The following EVI5 variants were observed in gnomAD, a reference collection of about 807,000 sequenced individuals.
EVI5 encodes ecotropic viral integration site 5 protein homolog.
In EVI5, 73 loss-of-function variants were observed where a neutral mutation model predicts 112.0. That is an observed-to-expected ratio of 0.65 (90% CI 0.54 to 0.79). The LOEUF (loss-of-function observed/expected upper bound fraction) is 0.79, where lower values mean the gene tolerates loss of function less well. Among genes scored for constraint, EVI5 ranks in the 30% least tolerant of loss-of-function variants. The pLI is 0.00. For missense variants in EVI5, 900 were observed against 968.8 expected (o/e 0.93, Z 0.94); for synonymous variants, 305 against 319.9 (o/e 0.95, Z 0.50).
At chr1:92,742,819 G>A (rs146076105) in intron 1 of EVI5, among the ~76,000 whole-genome samples, 4,338 of 152,312 alleles carry the variant, frequency 0.028, 95 homozygotes, top group South Asian at 0.064. Flanking sequence ...TGGCACAGCT[G>A]CTGTCGAAAA....
chr1:92,716,096 T>C (rs114328758), intron 2 of EVI5, among the ~76,000 whole-genome samples: 1,955 of 152,300 alleles, frequency 0.013, 46 homozygotes, highest in African/African-American at 0.044. Context: ...CTGACAGCTC[T>C]GAAGAGAGCA....
At chr1:92,762,592 G>A (rs186947936) in intron 1 of EVI5, among the ~76,000 whole-genome samples, 12 of 152,254 alleles carry the variant, frequency 7.9e-5, no homozygotes, top group East Asian at 1.9e-4. Context: ...ATCAGAATAC[G>A]TCATGACCCT....
At chr1:92,590,966 CT>C (rs1413172540) in intron 18 of EVI5, among the ~76,000 whole-genome samples, 3 of 152,300 alleles carry the variant, frequency 2.0e-5, no homozygotes. Flanking sequence ...ATTCAACATT[CT>C]TAAAGAAAAG....
At chr1:92,724,248 C>T (rs115709864) in intron 2 of EVI5, among the ~76,000 whole-genome samples, 3,620 of 152,088 alleles carry the variant, frequency 0.024, 167 homozygotes, top group African/African-American at 0.083. Flanking sequence ...TGATGACACC[C>T]CCTGAGGCCC....
intron 19 of EVI5, among the ~76,000 whole-genome samples, chr1:92,531,217 G>T (rs531649432): frequency 6.7e-6 from 1 of 148,238 alleles, no homozygotes; most frequent in Non-Finnish European, 1.5e-5. Flanking sequence ...ATGAAATAAA[G>T]CAAGAAGACA....
chr1:92,598,669 T>A (rs963701280), intron 18 of EVI5, among the ~76,000 whole-genome samples: 2 of 152,176 alleles, frequency 1.3e-5, no homozygotes, highest in African/African-American at 4.8e-5. Context: ...ATTTTACAGG[T>A]TGTATAATCT....
At chr1:92,725,544 G>A (rs756106818) in intron 2 of EVI5, among the ~76,000 whole-genome samples, 123 of 152,120 alleles carry the variant, frequency 8.1e-4, no homozygotes, top group Non-Finnish European at 6.3e-4. Flanking sequence ...ATAACACGGT[G>A]AAACCCCATC....
At chr1:92,771,940 C>T (rs749030578) in intron 1 of EVI5, among the ~76,000 whole-genome samples, 14 of 151,912 alleles carry the variant, frequency 9.2e-5, no homozygotes, top group Non-Finnish European at 2.1e-4. Flanking sequence ...CTGCAACCTC[C>T]GCCTCCTGGG....
At chr1:92,615,118 G>C (rs925588188) in intron 16 of EVI5, among the ~76,000 whole-genome samples, 1 of 152,032 alleles carries the variant, frequency 6.6e-6, no homozygotes. Flanking sequence ...TGAACTGTTT[G>C]TAGAGAGTTA....
At chr1:92,632,094 G>A (rs970190483) in intron 14 of EVI5, among the ~76,000 whole-genome samples, 5 of 152,156 alleles carry the variant, frequency 3.3e-5, no homozygotes, top group African/African-American at 1.2e-4. Flanking sequence ...GTATTTTATT[G>A]AGGATTTTCA....
chr1:92,781,141 C>T (rs908360522), intron 1 of EVI5, among the ~76,000 whole-genome samples: 39 of 152,118 alleles, frequency 2.6e-4, no homozygotes, highest in African/African-American at 8.4e-4. Context: ...TGAGCCACCA[C>T]GCCCGGCCTA....
intron 18 of EVI5, among the ~76,000 whole-genome samples, chr1:92,595,152 C>G (rs571916961): frequency 4.0e-5 from 6 of 151,892 alleles, no homozygotes; most frequent in Admixed American, 3.9e-4. Flanking sequence ...ATAGCAAAGA[C>G]TTGGAACCAA....
intron 14 of EVI5, among the ~76,000 whole-genome samples, chr1:92,629,631 AACAACT>A (rs1370756874): frequency 6.6e-6 from 1 of 152,156 alleles, no homozygotes; most frequent in Non-Finnish European, 1.5e-5. Context: ...GGACAGTTCT[AACAACT>A]ACACTCAGAT....
intron 2 of EVI5, among the ~76,000 whole-genome samples, chr1:92,728,181 T>A (rs1294240867): frequency 1.3e-5 from 2 of 152,004 alleles, no homozygotes; most frequent in African/African-American, 2.4e-5. Flanking sequence ...GATATAACAA[T>A]CCTAAATGTT....
rs533068244 is a variant in EVI5 at position 92,777,781 on chromosome 1, T to C, written c.-82+7055A>G. 1.1e-3 allele frequency among the ~76,000 whole-genome samples: 163 copies of C among 152,306 alleles called. 1 individual carries two copies. The highest frequency in any genetic ancestry group is 1.9e-3 in the Non-Finnish European group (132 of 68,024). On this transcript the variant is annotated intron_variant, in intron 1 of 19. Transcript: ENST00000684568. ...GTTACTAAAACAAGGATAAAGAAAG[T>C]TGTGTTATTGTTGTTTGTTCTGTTT...
chr1:92,751,552 A>G (rs950233004), intron 1 of EVI5, among the ~76,000 whole-genome samples: 2 of 152,126 alleles, frequency 1.3e-5, no homozygotes, highest in African/African-American at 4.8e-5. Flanking sequence ...TTTCCTAAAC[A>G]CTATGTCTTC....
At chr1:92,697,797 A>T in intron 6 of EVI5, 63 bp downstream of exon 6, 1 of 1,355,818 alleles carries the variant, frequency 7.4e-7, no homozygotes, top group Non-Finnish European at 1.0e-6. Context: ...CTTAGTTGGC[A>T]CTCAGAACAA....
chr1:92,703,192 A>T (rs554965792), intron 4 of EVI5, among the ~76,000 whole-genome samples: 1 of 152,234 alleles, frequency 6.6e-6, no homozygotes, highest in Admixed American at 6.5e-5. Flanking sequence ...CTAATGCTAA[A>T]TAACGTAGTA....
At chr1:92,624,793 T>C (rs542369031) in intron 15 of EVI5, among the ~76,000 whole-genome samples, 1 of 148,314 alleles carries the variant, frequency 6.7e-6, no homozygotes, top group African/African-American at 2.5e-5. Flanking sequence ...AGGGTCACCA[T>C]ATTAAACAAC....
Sources: allele counts gnomAD v4.1 joint callset (sites outside exome capture counted in the v4.1 genomes callset), GRCh38; gene constraint gnomAD v4.1.1; transcripts MANE v1.5; gene names NCBI Gene and HGNC (gene_info 2026-07-23, HGNC 2026-07-21).